The following PLCD4 variants were observed in gnomAD, a reference collection of about 807,000 sequenced individuals.
PLCD4 encodes the protein phospholipase C delta 4.
PLCD4 carries 63 observed loss-of-function variants against 90.2 expected under a neutral mutation model. The ratio of observed to expected loss-of-function variants is 0.70; its 90% CI spans 0.57 to 0.86. The LOEUF (loss-of-function observed/expected upper bound fraction) is 0.86, where lower values mean the gene tolerates loss of function less well. PLCD4 is among the 40% of genes least tolerant of loss of function. PLCD4 has a pLI of 0.00. For synonymous variants in PLCD4, 294 were observed against 356.5 expected, an observed-to-expected ratio of 0.82 and a Z score of 1.97; for missense variants, 830 against 956.3, an observed-to-expected ratio of 0.87 and a Z score of 1.74.
At chr2:218,616,589 C>T (rs554195200) in intron 3 of PLCD4, among the ~76,000 whole-genome samples, 24 of 151,600 alleles carry the variant, frequency 1.6e-4, no homozygotes, top group Non-Finnish European at 2.9e-4. Flanking sequence ...TGGTGCTGTA[C>T]GCCTGTGGTC....
At chr2:218,632,645 A>G (rs1254041081) in intron 10 of PLCD4, among the ~76,000 whole-genome samples, 1 of 152,096 alleles carries the variant, frequency 6.6e-6, no homozygotes, top group East Asian at 1.9e-4. Flanking sequence ...ACATTTTTGT[A>G]CTTCTTGGTC....
intron 3 of PLCD4, among the ~76,000 whole-genome samples, chr2:218,617,483 A>C (rs1428528674): frequency 6.6e-6 from 1 of 151,556 alleles, no homozygotes; most frequent in East Asian, 2.0e-4. Flanking sequence ...AGGCTGAGGC[A>C]GGAGAATCGC....
chr2:218,632,983 CTT>C (rs1017151976), intron 10 of PLCD4, among the ~76,000 whole-genome samples: 25 of 152,198 alleles, frequency 1.6e-4, no homozygotes, highest in African/African-American at 5.8e-4. Flanking sequence ...CTGCCTTTCT[CTT>C]GTGTACTTGC....
intron 13 of PLCD4, among the ~76,000 whole-genome samples, chr2:218,635,462 C>T (rs1025091696): frequency 6.6e-6 from 1 of 152,110 alleles, no homozygotes; most frequent in African/African-American, 2.4e-5. Context: ...TCTGAGCCTT[C>T]CGAGTAGCTG....
At chr2:218,629,495 T>C (rs1221115216) in intron 7 of PLCD4, 24 bp from the exon 8 acceptor site, 2 of 1,610,832 alleles carry the variant, frequency 1.2e-6, no homozygotes, top group African/African-American at 1.3e-5. Flanking sequence ...CTCCTATTTC[T>C]CGGTGGGGAT....
chr2:218,627,541 C>G (rs1161518210), intron 6 of PLCD4, among the ~76,000 whole-genome samples: 1 of 151,386 alleles, frequency 6.6e-6, no homozygotes, highest in Non-Finnish European at 1.5e-5. Flanking sequence ...GAGACGGAGT[C>G]TCACTCTGTC....
chr2:218,609,101 C>A (rs1165840311), intron 1 of PLCD4: 1 of 151,350 alleles, frequency 6.6e-6, no homozygotes, highest in Non-Finnish European at 1.5e-5. Flanking sequence ...CAAGATCGCA[C>A]CACTGCACTC....
chr2:218,629,313 C>G, intron 7 of PLCD4: 1 of 535,088 alleles, frequency 1.9e-6, no homozygotes. Context: ...GACTGTGAGT[C>G]GGGTGGGCTG....
rs748938443 is a variant in PLCD4, at chr2:218,618,750, G to A, written c.353G>A (p.Gly118Glu). Residue 118 changes from glycine to glutamate, a missense_variant, in exon 4 of 16, where the codon GGG (glycine) becomes GAG (glutamate). By Grantham distance (98) the Gly-to-Glu change is moderately conservative. Transcript: ENST00000450993. ...GAGGAGGCCCAGATATGGATGCGAGGGCTCCAGCTGTTGGTGGATCTTGTC... is the reference window on the plus strand; with the variant it reads ...GAGGAGGCCCAGATATGGATGCGAGAGCTCCAGCTGTTGGTGGATCTTGTC... ...SVEEAQIWMR[G>E]LQLLVDLVTS... is the part of the protein sequence containing the mutation. 5 of 1,609,408 alleles carry A rather than the reference G, an allele frequency of 3.1e-6. No homozygotes were observed. The highest frequency in any genetic ancestry group is 1.6e-4 in the Middle Eastern group (1 of 6,084).
chr2:218,629,355 G>C, intron 7 of PLCD4, 164 bp from the exon 8 acceptor site: 2 of 749,014 alleles, frequency 2.7e-6, no homozygotes, highest in Non-Finnish European at 4.2e-6. Flanking sequence ...TGAGCTTGCA[G>C]CAGTGTCCCC....
At chr2:218,622,069 G>A (rs1384223964) in intron 5 of PLCD4, 1 of 119,830 alleles carries the variant, frequency 8.3e-6, no homozygotes, top group African/African-American at 3.4e-5. Context: ...GACAGAGCGA[G>A]ACTCTGTCTC....
At chr2:218,635,258 C>A (rs1022135801) in intron 13 of PLCD4, among the ~76,000 whole-genome samples, 1 of 151,558 alleles carries the variant, frequency 6.6e-6, no homozygotes, top group Non-Finnish European at 1.5e-5. Context: ...AGAGTATGAT[C>A]GTGTCTCTTT....
At position 218,634,066 on chromosome 2, in the gene PLCD4, C is replaced by A; in HGVS notation, c.1607-39C>A. 6.4e-7 allele frequency: 1 copy of A among 1,566,714 alleles called. No homozygotes were observed. Among genetic ancestry groups the A allele is most frequent in the Non-Finnish European group, 8.7e-7 (1 of 1,155,184 alleles). On this transcript the variant is annotated intron_variant, in intron 11 of 15. Coordinates refer to ENST00000450993, the MANE Select transcript of PLCD4 (RefSeq NM_032726.4). The surrounding 1 kb of genome is among the most constrained non-coding windows in gnomAD (Gnocchi z 4.0). ...CTTGGGACTAGGGAAGTGGGAGATT[C>A]CACCCCACTTCCATCTCCCTCTCTA...
chr2:218,620,846 A>T (rs899024135), intron 4 of PLCD4, among the ~76,000 whole-genome samples: 4 of 142,368 alleles, frequency 2.8e-5, no homozygotes, highest in African/African-American at 1.1e-4. Context: ...GTGAGCCAAG[A>T]TTTCCCTAGT....
chr2:218,618,267 G>T (rs901815735), intron 3 of PLCD4, among the ~76,000 whole-genome samples: 6 of 152,238 alleles, frequency 3.9e-5, no homozygotes, highest in African/African-American at 1.4e-4. Flanking sequence ...CATTGTATCA[G>T]ATGAGGATAC....
chr2:218,616,927 TAGAGAGAGAGAGAGAGAG>T (rs71266346), intron 3 of PLCD4, among the ~76,000 whole-genome samples: 24 of 13,748 alleles, frequency 1.7e-3, no homozygotes, highest in African/African-American at 4.9e-3. Flanking sequence ...TATATATATA[TAGAGAGAGAGAGAGAGAG>T]AGAGAGAGAG....
chr2:218,622,665 T>C lies in PLCD4; in HGVS notation c.559T>C (p.Ser187Pro). The C allele has an allele frequency of 1.2e-6, 2 of 1,613,718 alleles. No homozygotes were observed. The highest frequency in any genetic ancestry group is 1.1e-5 in the South Asian group (1 of 91,062). ...CTTGCAGGCAGCAGACACGTCCCAG[T>C]CTGGAACCCTGGAAGGAGAAGAATT... ...SLFQAADTSQ[S>P]GTLEGEEFVQ... The change falls in exon 6 of 16, where the codon TCT (serine) becomes CCT (proline). Residue 187 changes from serine (S) to proline (P), a missense_variant. Transcript: ENST00000450993.
In PLCD4 at chr2:218,633,694, G is replaced by A; in HGVS notation, c.1539G>A (p.Glu513=). The A allele has an allele frequency of 6.2e-7, 1 of 1,613,914 alleles. No individual in the cohort carries two copies. ...TCCGCAGCTTCACACATTCAAAGGA[G>A]CACTACCACTTCTACGAGATATCAT... The part of the protein sequence containing the change: ...VSFRSFTHSK[E]HYHFYEISSF... The change falls in exon 11 of 16, where the codon GAG becomes GAA. Residue 513 remains glutamate (E), a synonymous_variant. Transcript: ENST00000450993.
In PLCD4 at chr2:218,636,807, C is replaced by A; in HGVS notation, c.*230C>A. 4 of 609,820 alleles carry A rather than the reference C, an allele frequency of 6.6e-6. No homozygotes were observed. The highest frequency in any genetic ancestry group is 1.2e-5 in the Non-Finnish European group (4 of 332,360). The allele number at this position is 609,820 out of a possible 1,614,324, so 37.8% of individuals were successfully genotyped here. ...TCATAAGCCTTTGGTATCTTTCCTG[C>A]CCTTTTCCTTTGTGTACTCTATACT... On this transcript the variant is annotated 3_prime_UTR_variant, in exon 16 of 16. Transcript: ENST00000450993.
Sources: allele counts gnomAD v4.1 joint callset (sites outside exome capture counted in the v4.1 genomes callset), GRCh38; gene constraint gnomAD v4.1.1; non-coding constraint Gnocchi (gnomAD v3.1); transcripts MANE v1.5; gene names NCBI Gene and HGNC (gene_info 2026-07-23, HGNC 2026-07-21).